The following SRP54 variants were observed in gnomAD, a reference collection of about 807,000 sequenced individuals.
The protein encoded by SRP54 is signal recognition particle 54.
Under a neutral mutation model 64.8 loss-of-function variants are expected in SRP54, and 10 were observed. The ratio of observed to expected loss-of-function variants is 0.15; its 90% CI spans 0.10 to 0.26. The LOEUF (loss-of-function observed/expected upper bound fraction) is 0.26, where lower values mean the gene tolerates loss of function less well. Among genes scored for constraint, SRP54 ranks in the 10% least tolerant of loss-of-function variants. The probability of loss-of-function intolerance (pLI) is 1.00; values close to 1 mark genes in which losing one functional copy is unlikely to be tolerated. For missense variants in SRP54, 325 were observed against 613.7 expected, an observed-to-expected ratio of 0.53 and a Z score of 4.97; for synonymous variants, 193 against 185.6, an observed-to-expected ratio of 1.04 and a Z score of -0.32.
chr14:34,983,398 C>T (rs904896992), intron 1 of SRP54, among the ~76,000 whole-genome samples, 183 bp downstream of exon 1: 3 of 152,190 alleles, frequency 2.0e-5, no homozygotes, highest in Admixed American at 6.5e-5. Flanking sequence ...TAAAGATGCG[C>T]TGTGCCCCTT....
chr14:35,023,153 T>C (rs1595014842), intron 14 of SRP54, 73 bp downstream of exon 14: 1 of 1,301,104 alleles, frequency 7.7e-7, no homozygotes, highest in East Asian at 2.4e-5. Flanking sequence ...GTGCTGCCAG[T>C]ATTGGAAAAT....
intron 5 of SRP54, 95 bp from the exon 6 acceptor site, chr14:35,008,532 A>T: frequency 1.3e-6 from 1 of 758,642 alleles, no homozygotes; most frequent in Non-Finnish European, 1.9e-6. Flanking sequence ...GTTTTATTTT[A>T]CTCCTTAGGT....
intron 1 of SRP54, among the ~76,000 whole-genome samples, chr14:34,984,853 C>T (rs879488747): frequency 2.0e-5 from 3 of 152,052 alleles, no homozygotes; most frequent in Non-Finnish European, 4.4e-5. Flanking sequence ...CTGTACTTTC[C>T]CCTAAAACTT....
chr14:35,008,341 C>T lies in SRP54; in HGVS notation c.361-286C>T, dbSNP rs118127536. ...AAAGAGAAAAGGATGATTTTTAGAT[C>T]GTTTTGTTGTTGTTTGTTTTTAATT... is the stretch of plus-strand genomic sequence containing the variant. On this transcript the variant is annotated intron_variant, in intron 5 of 15. Transcript: ENST00000216774. 1.4e-4 allele frequency among the ~76,000 whole-genome samples: 22 copies of T among 152,192 alleles called. No individual in the cohort carries two copies. In the East Asian group the frequency reaches 4.2e-3, roughly 29 times the overall value.
At chr14:34,997,293 T>G (rs2044086231) in intron 2 of SRP54, among the ~76,000 whole-genome samples, 1 of 152,204 alleles carries the variant, frequency 6.6e-6, no homozygotes, top group African/African-American at 2.4e-5. Flanking sequence ...TTAGATGATA[T>G]TAAAATACTT....
chr14:35,011,289 A>G (rs2044353376), intron 7 of SRP54, among the ~76,000 whole-genome samples: 2 of 152,374 alleles, frequency 1.3e-5, no homozygotes, highest in South Asian at 2.1e-4. Flanking sequence ...AAAGACATGC[A>G]GTAGAATCAT....
At chr14:35,005,030 T>C (rs2044234728) in intron 4 of SRP54, among the ~76,000 whole-genome samples, 1 of 152,212 alleles carries the variant, frequency 6.6e-6, no homozygotes, top group Non-Finnish European at 1.5e-5. Flanking sequence ...TCTGCTGTTG[T>C]GGCACAAAAG....
chr14:34,986,167 G>A (rs558759869), intron 1 of SRP54, among the ~76,000 whole-genome samples: 4 of 152,084 alleles, frequency 2.6e-5, no homozygotes, highest in African/African-American at 7.2e-5. Flanking sequence ...GCAAAAGTAC[G>A]AATTGGTGCT....
chr14:34,994,055 G>A (rs986563626), intron 1 of SRP54, among the ~76,000 whole-genome samples: 4 of 151,488 alleles, frequency 2.6e-5, no homozygotes, highest in Non-Finnish European at 5.9e-5. Flanking sequence ...GTGCAGTGGC[G>A]CGATCTCAGC....
chr14:35,008,799 T>C lies in SRP54; in HGVS notation c.453T>C (p.Asn151=), dbSNP rs1566650205. 1.9e-6 allele frequency: 3 copies of C among 1,611,228 alleles called. No individual in the cohort carries two copies. Among genetic ancestry groups the C allele is most frequent in the South Asian group, 1.1e-5 (1 of 90,606 alleles). The change falls in exon 7 of 16, where the codon AAT becomes AAC. Residue 151 remains asparagine (N), a synonymous_variant. Transcript: ENST00000216774. ...GGGCTTTTGACCAACTAAAACAGAA[T>C]GCTACCAAAGCAAGAATTCCATTTT... ...RAGAFDQLKQ[N]ATKARIPFYG... is the part of the protein sequence containing the mutation.
At chr14:34,993,672 T>C (rs1239090982) in intron 1 of SRP54, among the ~76,000 whole-genome samples, 1 of 150,724 alleles carries the variant, frequency 6.6e-6, no homozygotes, top group Non-Finnish European at 1.5e-5. Context: ...TTCATCTTCC[T>C]GTTTGTCTTA....
chr14:35,000,294 G>A (rs781623525), intron 3 of SRP54, among the ~76,000 whole-genome samples: 7 of 152,086 alleles, frequency 4.6e-5, no homozygotes, highest in Non-Finnish European at 1.0e-4. Flanking sequence ...GTAGCCGGGC[G>A]CAGTAGCTCA....
At chr14:35,003,542 T>G (rs2044209845) in intron 4 of SRP54, among the ~76,000 whole-genome samples, 1 of 149,496 alleles carries the variant, frequency 6.7e-6, no homozygotes, top group Non-Finnish European at 1.5e-5. Flanking sequence ...GTTTTTTGTT[T>G]GTTTGTTTTT....
At chr14:35,003,483 T>G (rs1024018902) in intron 4 of SRP54, among the ~76,000 whole-genome samples, 2 of 151,984 alleles carry the variant, frequency 1.3e-5, no homozygotes, top group Non-Finnish European at 2.9e-5. Context: ...CGAGCGATCT[T>G]CTCTCCTCAG....
At chr14:35,025,945 C>CT (rs2044613429) in intron 14 of SRP54, among the ~76,000 whole-genome samples, 1 of 151,708 alleles carries the variant, frequency 6.6e-6, no homozygotes, top group South Asian at 2.1e-4. Context: ...AATCCCAGCA[C>CT]TTTGAGAGGC....
chr14:35,017,388 C>A (rs1252154729), intron 11 of SRP54, among the ~76,000 whole-genome samples: 1 of 152,140 alleles, frequency 6.6e-6, no homozygotes. Context: ...GTGTTTTCTG[C>A]CTTTTCTGTT....
At chr14:34,983,808 A>G (rs531712685) in intron 1 of SRP54, among the ~76,000 whole-genome samples, 31 of 152,368 alleles carry the variant, frequency 2.0e-4, no homozygotes, top group African/African-American at 7.5e-4. Flanking sequence ...AGAAATGAAT[A>G]ACACTAACTC....
intron 2 of SRP54, among the ~76,000 whole-genome samples, chr14:34,998,990 TG>T (rs1566645484): frequency 3.1e-5 from 3 of 95,940 alleles, no homozygotes; most frequent in African/African-American, 6.7e-5. Context: ...TGTGTGTGTG[TG>T]TGTGTGTGTG....
chr14:34,988,599 T>TATATAAC (rs1566640567), intron 1 of SRP54, among the ~76,000 whole-genome samples: 15 of 103,544 alleles, frequency 1.4e-4, no homozygotes, highest in Non-Finnish European at 2.8e-4. Flanking sequence ...ATATATAACA[T>TATATAAC]ATATATATAT....
Sources: allele counts gnomAD v4.1 joint callset (sites outside exome capture counted in the v4.1 genomes callset), GRCh38; gene constraint gnomAD v4.1.1; transcripts MANE v1.5; gene names NCBI Gene and HGNC (gene_info 2026-07-23, HGNC 2026-07-21).